PCDHGB3: variants seen among roughly 807,000 people sequenced by gnomAD.
The protein encoded by PCDHGB3 is protocadherin gamma-B3.
In PCDHGB3, 40 loss-of-function variants were observed where a neutral mutation model predicts 59.2. The ratio of observed to expected loss-of-function variants is 0.68; its 90% CI spans 0.52 to 0.88. The LOEUF (loss-of-function observed/expected upper bound fraction) is 0.88. Ranked by LOEUF, PCDHGB3 falls within the 40% of genes least tolerant of loss-of-function variation. The probability of loss-of-function intolerance (pLI) is 0.00; values close to 1 mark genes in which losing one functional copy is unlikely to be tolerated. For missense variants in PCDHGB3, 1,309 were observed against 1,187.9 expected (o/e 1.10, Z -1.50); for synonymous variants, 581 against 503.6 (o/e 1.15, Z -2.06).
intron 1 of PCDHGB3, chr5:141,418,998 G>C (rs757681244): frequency 1.9e-6 from 3 of 1,613,940 alleles, no homozygotes; most frequent in South Asian, 1.1e-5. Context: ...GGGGAAAATG[G>C]GGAAGTCAGG....
chr5:141,400,453 C>G, intron 1 of PCDHGB3: 2 of 1,614,056 alleles, frequency 1.2e-6, no homozygotes, highest in South Asian at 2.2e-5. Flanking sequence ...ACAAGACATA[C>G]TTTGTGGTGA....
chr5:141,418,523 C>T (rs2096266495), intron 1 of PCDHGB3: 1 of 1,613,958 alleles, frequency 6.2e-7, no homozygotes, highest in Non-Finnish European at 8.5e-7. Context: ...GGACCCTCCC[C>T]GAAGCGGTAC....
At position 141,476,455 on chromosome 5, in the gene PCDHGB3, G is replaced by A. The variant is rs572682842; in HGVS notation, c.2416-18352G>A. The A allele has an allele frequency of 1.2e-6, 2 of 1,614,034 alleles. No individual in the cohort carries two copies. The highest frequency in any genetic ancestry group is 2.2e-5 in the South Asian group (2 of 91,084). ...CTGTAACTCTGGAGTTGGTAGTGGA[G>A]AACCCGCTGGAGCTGTTCAGCGTGG... On this transcript the variant is annotated intron_variant, in intron 1 of 3. Coordinates refer to ENST00000576222, the MANE Select transcript of PCDHGB3 (RefSeq NM_018924.5). This position sits in a 1 kb window ranked among gnomAD's most constrained non-coding sequence, Gnocchi z 7.6.
intron 1 of PCDHGB3, chr5:141,399,413 C>A (rs1456440098): frequency 1.2e-6 from 2 of 1,613,930 alleles, no homozygotes; most frequent in African/African-American, 1.3e-5. Context: ...CCGCCCCTCT[C>A]CTCCAGCATA....
At chr5:141,434,193 T>C (rs2097677103) in intron 1 of PCDHGB3, among the ~76,000 whole-genome samples, 1 of 152,246 alleles carries the variant, frequency 6.6e-6, no homozygotes, top group Non-Finnish European at 1.5e-5. Flanking sequence ...GTAATTCCAA[T>C]GTACTTACTT....
At chr5:141,410,340 T>C (rs1408707323) in intron 1 of PCDHGB3, 5 of 1,614,068 alleles carry the variant, frequency 3.1e-6, no homozygotes, top group Non-Finnish European at 2.5e-6. Context: ...GCCATTGCCT[T>C]GCGCCTGCGA....
At chr5:141,407,898 A>G in intron 1 of PCDHGB3, 1 of 407,470 alleles carries the variant, frequency 2.5e-6, no homozygotes, top group Non-Finnish European at 4.3e-6. Context: ...CGAATTCAAA[A>G]TGAAAAACCG....
Position 141,418,518 on chromosome 5 carries a change from C to G in PCDHGB3, c.2415+45709C>G. Reference sequence around the variant, plus strand: ...CTGACCGCCTTAGATGGTGGGGACCCTCCCCGAAGCGGTACTGCTCAGATA... The same window carrying G: ...CTGACCGCCTTAGATGGTGGGGACCGTCCCCGAAGCGGTACTGCTCAGATA... On this transcript the variant is annotated intron_variant, in intron 1 of 3. Coordinates refer to ENST00000576222, the MANE Select transcript of PCDHGB3 (RefSeq NM_018924.5). The G allele has an allele frequency of 2.5e-6, 4 of 1,613,986 alleles. 1 individual carries two copies.
Position 141,496,888 on chromosome 5 carries a change from TA to T in PCDHGB3, c.2474+2038del, listed in dbSNP as rs35063790. 4.6e-3 allele frequency among the ~76,000 whole-genome samples: 621 copies of T among 133,932 alleles called. 1 individual carries two copies. Among genetic ancestry groups the T allele is most frequent in the Middle Eastern group, 0.011 (3 of 270 alleles). 87.9% of individuals were successfully genotyped at this position (133,932 alleles called of 152,430 possible). ...CTGAAAATTTGCAACAAGTAACACT[TA>T]AAAAAAAAAAAAAAGGCTGGGCACT... On this transcript the variant is annotated intron_variant, in intron 2 of 3. Coordinates refer to ENST00000576222, the MANE Select transcript of PCDHGB3 (RefSeq NM_018924.5).
In PCDHGB3 at chr5:141,493,233, G is replaced by T. The variant is rs1335823475; in HGVS notation, c.2416-1574G>T. ...TTTGCTCTTCCCACCATTGCTGTTG[G>T]CTAGGTACTAACATGCCTCTCTTAT... is the stretch of plus-strand genomic sequence containing the variant. On this transcript the variant is annotated intron_variant, in intron 1 of 3. Coordinates refer to ENST00000576222, the MANE Select transcript of PCDHGB3 (RefSeq NM_018924.5). This position sits in a 1 kb window ranked among gnomAD's most constrained non-coding sequence, Gnocchi z 4.3. 6.6e-6 allele frequency among the ~76,000 whole-genome samples: 1 copy of T among 152,172 alleles called. No homozygotes were observed. The highest frequency in any genetic ancestry group is 2.1e-4 in the South Asian group (1 of 4,828).
Position 141,371,309 on chromosome 5 carries a change from A to G in PCDHGB3, c.915A>G (p.Gly305=). ...AAACGGGGGAACTCACCACTATTGG[A>G]GAACTGGACTTTGAAGAGAGAGATA... ...DSKTGELTTI[G]ELDFEERDSY... Residue 305 remains glycine, a synonymous_variant, in exon 1 of 4, where the codon GGA becomes GGG. Coordinates refer to ENST00000576222, the MANE Select transcript of PCDHGB3 (RefSeq NM_018924.5). The G allele has an allele frequency of 1.2e-6, 2 of 1,614,012 alleles. No individual in the cohort carries two copies. Among genetic ancestry groups the G allele is most frequent in the Non-Finnish European group, 8.5e-7 (1 of 1,179,882 alleles).
intron 1 of PCDHGB3, chr5:141,413,978 T>C (rs2095697435): frequency 1.2e-6 from 2 of 1,613,414 alleles, no homozygotes; most frequent in Non-Finnish European, 8.5e-7. Flanking sequence ...CTGCTGACAG[T>C]CACAGCCACC....
intron 2 of PCDHGB3, among the ~76,000 whole-genome samples, chr5:141,501,983 C>G (rs957901405): frequency 6.6e-6 from 1 of 152,068 alleles, no homozygotes; most frequent in Non-Finnish European, 1.5e-5. Flanking sequence ...CATCTGGTCC[C>G]GTTGTCTCCC....
chr5:141,387,779 G>T, intron 1 of PCDHGB3: 1 of 1,458,032 alleles, frequency 6.9e-7, no homozygotes, highest in Admixed American at 2.6e-5. Flanking sequence ...TTCTTGAACT[G>T]GAACTGCAAC....
Position 141,489,242 on chromosome 5 carries a change from T to C in PCDHGB3, c.2416-5565T>C. ...TCTCCACAAAGGGACTTCTGGGTCA[T>C]GGGGCCCAAGACACTCCCACAGCTC... On this transcript the variant is annotated intron_variant, in intron 1 of 3. Transcript: ENST00000576222. This position sits in a 1 kb window ranked among gnomAD's most constrained non-coding sequence, Gnocchi z 4.5. 6.5e-7 allele frequency: 1 copy of C among 1,534,502 alleles called. No individual in the cohort carries two copies. The highest frequency in any genetic ancestry group is 8.8e-7 in the Non-Finnish European group (1 of 1,141,994).
intron 1 of PCDHGB3, chr5:141,398,637 T>G: frequency 6.2e-7 from 1 of 1,614,026 alleles, no homozygotes; most frequent in Non-Finnish European, 8.5e-7. Context: ...TGCAGAAGTA[T>G]AAACTCTCTC....
intron 1 of PCDHGB3, among the ~76,000 whole-genome samples, chr5:141,492,164 C>G (rs1180358388): frequency 6.6e-6 from 1 of 152,230 alleles, no homozygotes; most frequent in Non-Finnish European, 1.5e-5. Context: ...CTCCCTATCC[C>G]CGCATCACCC....
intron 1 of PCDHGB3, chr5:141,421,637 A>T: frequency 6.2e-7 from 1 of 1,613,810 alleles, no homozygotes; most frequent in Non-Finnish European, 8.5e-7. Flanking sequence ...TTCCAGGAGG[A>T]CGAAGTGGAG....
intron 1 of PCDHGB3, among the ~76,000 whole-genome samples, chr5:141,462,877 T>G (rs1387501705): frequency 1.3e-5 from 2 of 152,240 alleles, no homozygotes; most frequent in African/African-American, 4.8e-5. Flanking sequence ...CTTTAAGAAC[T>G]ATTGCAGTTT....
Sources: allele counts gnomAD v4.1 joint callset (sites outside exome capture counted in the v4.1 genomes callset), GRCh38; gene constraint gnomAD v4.1.1; non-coding constraint Gnocchi (gnomAD v3.1); transcripts MANE v1.5; gene names NCBI Gene and HGNC (gene_info 2026-07-23, HGNC 2026-07-21).